The following ALOXE3 variants were observed in gnomAD, a reference collection of about 807,000 sequenced individuals.
ALOXE3 encodes hydroperoxide isomerase ALOXE3.
Under a neutral mutation model 87.5 loss-of-function variants are expected in ALOXE3, and 78 were observed. The ratio of observed to expected loss-of-function variants is 0.89; its 90% CI spans 0.74 to 1.08. ALOXE3 has a LOEUF of 1.08. Among genes scored for constraint, ALOXE3 ranks in the 50% least tolerant of loss-of-function variants. The pLI is 0.00. For synonymous variants in ALOXE3, 363 were observed against 370.8 expected (o/e 0.98, Z 0.24); for missense variants, 946 against 912.4 (o/e 1.04, Z -0.47).
intron 13 of ALOXE3, among the ~76,000 whole-genome samples, chr17:8,106,910 T>C (rs9892383): frequency 0.24 from 37,079 of 152,122 alleles, 4,716 homozygotes; most frequent in Admixed American, 0.29. Flanking sequence ...AGAGTTGAAT[T>C]AACCTCAGAC....
chr17:8,115,633 C>T lies in ALOXE3; in HGVS notation c.408G>A (p.Glu136=). 6.2e-7 allele frequency: 1 copy of T among 1,614,110 alleles called. No homozygotes were observed. The highest frequency in any genetic ancestry group is 8.5e-7 in the Non-Finnish European group (1 of 1,179,962). Residue 136 remains glutamate, a synonymous_variant, in exon 4 of 16, where the codon GAG becomes GAA. Coordinates refer to ENST00000448843, the MANE Select transcript of ALOXE3 (RefSeq NM_021628.3). ...LPLLLDHRTR[E]LRARQECYRW... is the part of the protein sequence containing the mutation. ...GGTAGCATTCTTGTCGGGCCCGGAG[C>T]TCCCGTGTCCTGTGATCCAGGAGGA...
At chr17:8,118,790 C>G (rs1284160057), upstream of ALOXE3, 1 of 1,536,994 alleles carries the variant, frequency 6.5e-7, no homozygotes, top group Non-Finnish European at 8.7e-7. Flanking sequence ...CTTTCCGCTC[C>G]AGGACCGCCC....
intron 14 of ALOXE3, 77 bp from the exon 15 acceptor site, chr17:8,103,570 CA>C: frequency 6.7e-7 from 1 of 1,499,024 alleles, no homozygotes; most frequent in South Asian, 1.2e-5. Context: ...TCCCTGATTC[CA>C]CCTCTGCCGT....
chr17:8,097,359 A>AC (rs1234329663), intron 15 of ALOXE3, among the ~76,000 whole-genome samples: 3 of 152,210 alleles, frequency 2.0e-5, no homozygotes, highest in African/African-American at 7.2e-5. Context: ...AACGAACCAC[A>AC]CCTTTCATAC....
intron 13 of ALOXE3, among the ~76,000 whole-genome samples, chr17:8,105,495 TTC>T (rs1260972357): frequency 6.6e-6 from 1 of 152,196 alleles, no homozygotes; most frequent in Non-Finnish European, 1.5e-5. Context: ...TGTTTGTTGA[TTC>T]TCTCTTTCTC....
chr17:8,098,243 T>TTTA (rs1279026437), intron 15 of ALOXE3, among the ~76,000 whole-genome samples: 1 of 139,294 alleles, frequency 7.2e-6, no homozygotes, highest in Admixed American at 7.3e-5. Flanking sequence ...TGTTTTTTTT[T>TTTA]TTTTTTTTTT....
Position 8,110,450 on chromosome 17 carries a change from C to CAGG in ALOXE3, c.1035_1036insCCT (p.Tyr345_Val346insPro), listed in dbSNP as rs759400673. 6.2e-7 allele frequency: 1 copy of CAGG among 1,613,378 alleles called. No individual in the cohort carries two copies. Among genetic ancestry groups the CAGG allele is most frequent in the Admixed American group, 1.7e-5 (1 of 59,980 alleles). On this transcript the variant is annotated inframe_insertion, in exon 9 of 16. Coordinates refer to ENST00000448843, the MANE Select transcript of ALOXE3 (RefSeq NM_021628.3). ...CACAGCAGGCACAGTGGGGCGGCCA[C>CAGG]GTACTGCTGGCGGCCGTTTAGGCAG...
At chr17:8,112,747 T>C (rs771227225) in intron 6 of ALOXE3, among the ~76,000 whole-genome samples, 6 of 151,828 alleles carry the variant, frequency 4.0e-5, no homozygotes, top group Non-Finnish European at 7.4e-5. Context: ...ACTTTGTGGA[T>C]GTCTGTGCTG....
At chr17:8,115,780 A>C in intron 3 of ALOXE3, 92 bp from the exon 4 acceptor site, 2 of 1,245,656 alleles carry the variant, frequency 1.6e-6, no homozygotes, top group Non-Finnish European at 2.4e-6. Flanking sequence ...CTTGAACCCA[A>C]TCCGACAGCC....
chr17:8,109,996 G>A lies in ALOXE3; in HGVS notation c.1312C>T (p.Leu438Phe). Residue 438 changes from leucine (L) to phenylalanine (F), a missense_variant, in exon 11 of 16, where the codon CTC (leucine) becomes TTC (phenylalanine). Physicochemically the swap from Leu to Phe is conservative, Grantham distance 22. Coordinates refer to ENST00000448843, the MANE Select transcript of ALOXE3 (RefSeq NM_021628.3). ...TGCAGCGTGTATCGAGTGTGGGGGAGTAGGAGCTGCGAGCGGAGCGGATCA... is the reference window on the plus strand; with the variant it reads ...TGCAGCGTGTATCGAGTGTGGGGGAATAGGAGCTGCGAGCGGAGCGGATCA... ...PLCHPIYKLL[L>F]PHTRYTLQVN... The A allele has an allele frequency of 6.4e-7, 1 of 1,554,734 alleles. No homozygotes were observed. Among genetic ancestry groups the A allele is most frequent in the Non-Finnish European group, 8.7e-7 (1 of 1,148,692 alleles).
chr17:8,115,962 T>G (rs1412519729), intron 3 of ALOXE3, among the ~76,000 whole-genome samples: 3 of 152,262 alleles, frequency 2.0e-5, no homozygotes, highest in Non-Finnish European at 4.4e-5. Flanking sequence ...TGTATTCCTT[T>G]TTCTTCTTTT....
Position 8,104,105 on chromosome 17 carries a change from G to A in ALOXE3, c.1785+10C>T, listed in dbSNP as rs759706752. Reference sequence around the variant, plus strand: ...CCTGATGTCCCCAGGCCTGCCCTTTGTAGCCTCACCTGCCCACTGTTGACA... The same window carrying A: ...CCTGATGTCCCCAGGCCTGCCCTTTATAGCCTCACCTGCCCACTGTTGACA... On this transcript the variant is annotated intron_variant, in intron 14 of 15. Transcript: ENST00000448843. 3 of 1,612,166 alleles carry A rather than the reference G, an allele frequency of 1.9e-6. No homozygotes were observed. The Admixed American group carries it at 5.0e-5, about 27-fold the overall frequency.
At chr17:8,100,139 G>T (rs889623601) in intron 15 of ALOXE3, among the ~76,000 whole-genome samples, 2 of 151,740 alleles carry the variant, frequency 1.3e-5, no homozygotes, top group Non-Finnish European at 2.9e-5. Flanking sequence ...GGGAGGGAGA[G>T]GGGGGAGGGA....
rs1372999537 is a variant in ALOXE3 at position 8,096,123 on chromosome 17, G to C, written c.*504C>G. 1 of 164,086 alleles carries C rather than the reference G, an allele frequency of 6.1e-6. No individual in the cohort carries two copies. The highest frequency in any genetic ancestry group is 1.3e-5 in the Non-Finnish European group (1 of 74,572). 10.2% of individuals were successfully genotyped at this position (164,086 alleles called of 1,614,324 possible). The stretch of plus-strand genomic sequence containing the variant: ...TTCCCCTCCCCTTAAAGGTGCTAGG[G>C]ACAAAGGGGACCACATGTTAGACCC... On this transcript the variant is annotated 3_prime_UTR_variant, in exon 16 of 16. Transcript: ENST00000448843.
rs786205120 is a variant in ALOXE3 at position 8,111,474 on chromosome 17, C to A, written c.842G>T (p.Gly281Val). 2 of 1,614,188 alleles carry A rather than the reference C, an allele frequency of 1.2e-6. No homozygotes were observed. Among genetic ancestry groups the A allele is most frequent in the Non-Finnish European group, 1.7e-6 (2 of 1,180,028 alleles). The stretch of plus-strand genomic sequence containing the variant: ...GCAGTGGAGCATGACGGGATTGACA[C>A]CATTCAGGTACTGGTACCCAAAGAA... ...DHFFGYQYLN[G>V]VNPVMLHCIS... Residue 281 changes from glycine to valine, a missense_variant, in exon 8 of 16, where the codon GGT becomes GTT. By Grantham distance (109) the Gly-to-Val change is moderately radical. Coordinates refer to ENST00000448843, the MANE Select transcript of ALOXE3 (RefSeq NM_021628.3).
At chr17:8,102,048 G>C (rs923557585) in intron 15 of ALOXE3, among the ~76,000 whole-genome samples, 2 of 152,188 alleles carry the variant, frequency 1.3e-5, no homozygotes, top group Non-Finnish European at 2.9e-5. Flanking sequence ...AAGATGATGG[G>C]AACCAGTGAT....
chr17:8,108,061 A>AAGAT, intron 13 of ALOXE3, among the ~76,000 whole-genome samples: 1 of 149,328 alleles, frequency 6.7e-6, no homozygotes, highest in South Asian at 2.1e-4. Flanking sequence ...GAAAGAAAGA[A>AAGAT]AGAAAGGAAG....
intron 13 of ALOXE3, 69 bp from the exon 14 acceptor site, chr17:8,104,284 TG>T: frequency 8.4e-7 from 1 of 1,195,724 alleles, no homozygotes. Flanking sequence ...AGCTCAGGAC[TG>T]GGGCTCACCA....
At position 8,109,310 on chromosome 17, in the gene ALOXE3, G is replaced by A. The variant is rs1198565136; in HGVS notation, c.1426C>T (p.Leu476Phe). The A allele has an allele frequency of 6.2e-7, 1 of 1,614,070 alleles. No individual in the cohort carries two copies. The highest frequency in any genetic ancestry group is 1.3e-5 in the African/African-American group (1 of 75,058). The change falls in exon 12 of 16, where the codon CTC becomes TTC. Residue 476 changes from leucine (L) to phenylalanine (F), a missense_variant. Physicochemically the swap from Leu to Phe is conservative, Grantham distance 22. Transcript: ENST00000448843. ...AAGTGGGCCAGGCCCGTGCTCATGA[G>A]GTAGATGAGGCCTTGCCTCCCGATG... ...TSIGRQGLIY[L>F]MSTGLAHFTY...
Sources: allele counts gnomAD v4.1 joint callset (sites outside exome capture counted in the v4.1 genomes callset), GRCh38; gene constraint gnomAD v4.1.1; transcripts MANE v1.5; gene names NCBI Gene and HGNC (gene_info 2026-07-23, HGNC 2026-07-21).